The following LRP1B variants were observed in gnomAD, a reference collection of about 807,000 sequenced individuals.
The protein encoded by LRP1B is LDL receptor related protein 1B.
In LRP1B, 217 loss-of-function variants were observed where a neutral mutation model predicts 556.6. The observed-to-expected ratio is 0.39, with a 90% CI of 0.35 to 0.44. The LOEUF (loss-of-function observed/expected upper bound fraction) is 0.44, where lower values mean the gene tolerates loss of function less well. Ranked by LOEUF, LRP1B falls within the 20% of genes least tolerant of loss-of-function variation. The probability of loss-of-function intolerance (pLI) is 1.00; values close to 1 mark genes in which losing one functional copy is unlikely to be tolerated. For missense variants in LRP1B, 5,053 were observed against 5,620.8 expected (o/e 0.90, Z 3.23); for synonymous variants, 2,047 against 1,865.8 (o/e 1.10, Z -2.50).
At chr2:141,072,851 A>C (rs1274194660) in intron 7 of LRP1B, among the ~76,000 whole-genome samples, 1 of 152,042 alleles carries the variant, frequency 6.6e-6, no homozygotes, top group Non-Finnish European at 1.5e-5. Flanking sequence ...ATCTATTTCT[A>C]GATCAATTAT....
At chr2:140,293,886 C>G (rs911820461) in intron 84 of LRP1B, among the ~76,000 whole-genome samples, 4 of 152,084 alleles carry the variant, frequency 2.6e-5, no homozygotes, top group African/African-American at 9.7e-5. Context: ...GTTATTTAAC[C>G]TCTGTCTAAG....
chr2:141,089,922 T>C (rs1700135923), intron 7 of LRP1B, among the ~76,000 whole-genome samples: 1 of 152,228 alleles, frequency 6.6e-6, no homozygotes, highest in African/African-American at 2.4e-5. Context: ...ACACCTGTAG[T>C]GCCTCCAAGA....
At chr2:141,360,320 C>T (rs115893274) in intron 3 of LRP1B, among the ~76,000 whole-genome samples, 1,972 of 152,298 alleles carry the variant, frequency 0.013, 43 homozygotes, top group African/African-American at 0.044. Context: ...CACACTTTGT[C>T]TCCAAGCTAA....
In LRP1B at chr2:141,034,525, C is replaced by A. The variant is rs548017055; in HGVS notation, c.1790-14423G>T. On this transcript the variant is annotated intron_variant, in intron 11 of 90. Coordinates refer to ENST00000389484, the MANE Select transcript of LRP1B (RefSeq NM_018557.3). ...AACAAATTTACAAGAAAAAAACAAACCCCATCAAAAAGTGGGCGAAGGATA... is the reference window on the plus strand; with the variant it reads ...AACAAATTTACAAGAAAAAAACAAAACCCATCAAAAAGTGGGCGAAGGATA... 3.3e-5 allele frequency among the ~76,000 whole-genome samples: 5 copies of A among 152,180 alleles called. No individual in the cohort carries two copies. The South Asian group carries it at 8.3e-4, about 25-fold the overall frequency.
chr2:140,933,562 C>A (rs1025395080), intron 20 of LRP1B, among the ~76,000 whole-genome samples: 3 of 152,020 alleles, frequency 2.0e-5, no homozygotes, highest in Admixed American at 1.3e-4. Flanking sequence ...AAAAGCAGGA[C>A]AACAGGGTGA....
chr2:140,748,704 G>GTGTA, intron 35 of LRP1B, among the ~76,000 whole-genome samples: 1 of 119,196 alleles, frequency 8.4e-6, no homozygotes, highest in South Asian at 2.5e-4. Context: ...TAAGTCCTAT[G>GTGTA]TATATATATA....
intron 5 of LRP1B, among the ~76,000 whole-genome samples, chr2:141,237,201 A>AT (rs1194174873): frequency 6.6e-6 from 1 of 152,138 alleles, no homozygotes; most frequent in Non-Finnish European, 1.5e-5. Context: ...GAAATTGTAG[A>AT]TGTGGGTCAT....
At chr2:140,715,774 AT>A in intron 37 of LRP1B, among the ~76,000 whole-genome samples, 198 bp downstream of exon 37, 1 of 152,272 alleles carries the variant, frequency 6.6e-6, no homozygotes, top group Middle Eastern at 3.4e-3. Flanking sequence ...CACACATAAA[AT>A]AAATCTGTAA....
intron 20 of LRP1B, among the ~76,000 whole-genome samples, chr2:140,926,329 AT>A (rs1484953216): frequency 1.3e-5 from 2 of 151,920 alleles, no homozygotes; most frequent in Non-Finnish European, 2.9e-5. Context: ...AATGTCACCT[AT>A]TAATGTCCAT....
At chr2:140,301,400 G>A (rs1202927040) in intron 83 of LRP1B, among the ~76,000 whole-genome samples, 1 of 151,922 alleles carries the variant, frequency 6.6e-6, no homozygotes, top group African/African-American at 2.4e-5. Context: ...TGCTACAACA[G>A]CAAACAAATC....
At chr2:140,817,114 C>T (rs1338496659) in intron 31 of LRP1B, among the ~76,000 whole-genome samples, 2 of 151,996 alleles carry the variant, frequency 1.3e-5, no homozygotes, top group African/African-American at 4.8e-5. Flanking sequence ...GGAACTTATG[C>T]AAAGAAATAT....
Position 141,023,921 on chromosome 2 carries a change from G to A in LRP1B, c.1790-3819C>T, listed in dbSNP as rs117118518. On this transcript the variant is annotated intron_variant, in intron 11 of 90. Transcript: ENST00000389484. ...TCTGAGTTGGAACGGAAGTGTCTAC[G>A]TGAGTACAGAGTATGGTAAAGTGCT... is the stretch of plus-strand genomic sequence containing the variant. 5.5e-4 allele frequency among the ~76,000 whole-genome samples: 83 copies of A among 152,102 alleles called. No homozygotes were observed. The East Asian group carries it at 0.011, about 20-fold the overall frequency.
At chr2:141,304,966 T>C (rs1360922628) in intron 3 of LRP1B, among the ~76,000 whole-genome samples, 1 of 152,226 alleles carries the variant, frequency 6.6e-6, no homozygotes, top group Non-Finnish European at 1.5e-5. Flanking sequence ...GTCTATGTGT[T>C]TTCGTACCAA....
chr2:140,668,234 C>T (rs550038705), intron 41 of LRP1B, among the ~76,000 whole-genome samples: 133 of 128,584 alleles, frequency 1.0e-3, no homozygotes, highest in Admixed American at 2.2e-3. Flanking sequence ...GGCGTGAACC[C>T]GGGAGGCGGT....
Position 142,030,972 on chromosome 2 carries a change from T to C in LRP1B, c.82+99676A>G, listed in dbSNP as rs747626392. Among the ~76,000 whole-genome samples the C allele has an allele frequency of 5.9e-5, 9 of 152,056 alleles. No homozygotes were observed. In the Middle Eastern group the frequency reaches 0.01, roughly 172 times the overall value. On this transcript the variant is annotated intron_variant, in intron 1 of 90. Transcript: ENST00000389484. Reference sequence around the variant, plus strand: ...AGCTGATGTCGCAATTTTGTTCTTATAGACCTGTCAAAGACATTTTTTAAG... The same window carrying C: ...AGCTGATGTCGCAATTTTGTTCTTACAGACCTGTCAAAGACATTTTTTAAG...
At chr2:140,875,643 G>A (rs1395779904) in intron 25 of LRP1B, among the ~76,000 whole-genome samples, 1 of 152,076 alleles carries the variant, frequency 6.6e-6, no homozygotes, top group African/African-American at 2.4e-5. Context: ...AATCAAATTA[G>A]AAAGTATGTC....
At chr2:140,486,765 T>C (rs549698759) in intron 58 of LRP1B, among the ~76,000 whole-genome samples, 1 of 152,024 alleles carries the variant, frequency 6.6e-6, no homozygotes, top group Non-Finnish European at 1.5e-5. Flanking sequence ...AATTAATCTA[T>C]CACCATTATA....
intron 87 of LRP1B, among the ~76,000 whole-genome samples, chr2:140,243,833 CT>C (rs1315490390): frequency 2.6e-5 from 4 of 151,158 alleles, no homozygotes; most frequent in Non-Finnish European, 4.4e-5. Flanking sequence ...GTTCTTTATT[CT>C]TGTACCTTGA....
chr2:141,208,703 TA>T (rs888983367), intron 6 of LRP1B, among the ~76,000 whole-genome samples: 1 of 151,010 alleles, frequency 6.6e-6, no homozygotes, highest in Admixed American at 6.6e-5. Flanking sequence ...CCGTCTCTAT[TA>T]AAAAAATACA....
Sources: gnomAD v4.1 joint callset for allele counts (sites outside exome capture counted in the v4.1 genomes callset) on GRCh38, gnomAD v4.1.1 for gene constraint, MANE v1.5 for transcripts, NCBI Gene and HGNC (gene_info 2026-07-23, HGNC 2026-07-21) for gene names.